Variants in GRM1 observed in about 807,000 individuals in gnomAD.
GRM1 encodes the protein glutamate metabotropic receptor 1, also known as metabotropic glutamate receptor 1.
In GRM1, 33 loss-of-function variants were observed where a neutral mutation model predicts 90.9. The ratio of observed to expected loss-of-function variants is 0.36; its 90% CI spans 0.28 to 0.49. GRM1 has a LOEUF of 0.49. Among genes scored for constraint, GRM1 ranks in the 20% least tolerant of loss-of-function variants. The probability of loss-of-function intolerance (pLI) is 0.99; values close to 1 mark genes in which losing one functional copy is unlikely to be tolerated. For synonymous variants in GRM1, 700 were observed against 613.2 expected (o/e 1.14, Z -2.09); for missense variants, 1,190 against 1,534.3 (o/e 0.78, Z 3.75).
rs1775378625 is a variant in GRM1 at position 146,359,521 on chromosome 6, T to C, written c.1602+1827T>C. On this transcript the variant is annotated intron_variant, in intron 5 of 7. Transcript: ENST00000282753. Reference sequence around the variant, plus strand: ...CTGCAAAGTTCAGTTTTGCAGGTTATATATGGAAAAAATAAAACCTGGCAG... The same window carrying C: ...CTGCAAAGTTCAGTTTTGCAGGTTACATATGGAAAAAATAAAACCTGGCAG... Among the ~76,000 whole-genome samples the C allele has an allele frequency of 2.6e-5, 4 of 152,328 alleles. No individual in the cohort carries two copies. In the South Asian group the frequency reaches 8.3e-4, roughly 32 times the overall value.
intron 2 of GRM1, among the ~76,000 whole-genome samples, chr6:146,301,135 T>C (rs892390239): frequency 6.6e-6 from 1 of 152,168 alleles, no homozygotes; most frequent in African/African-American, 2.4e-5. Context: ...CAATTAACTC[T>C]TTAAAACATA....
intron 2 of GRM1, among the ~76,000 whole-genome samples, chr6:146,267,360 A>G (rs1276786309): frequency 2.0e-5 from 3 of 152,194 alleles, no homozygotes; most frequent in African/African-American, 7.2e-5. Context: ...GTGTCCATGT[A>G]TCTTTATAAT....
intron 1 of GRM1, among the ~76,000 whole-genome samples, chr6:146,139,166 A>G (rs182002002): frequency 5.4e-4 from 82 of 152,158 alleles, no homozygotes; most frequent in African/African-American, 1.8e-3. Flanking sequence ...TTATTTCATT[A>G]TGGTCAAAGA....
intron 2 of GRM1, among the ~76,000 whole-genome samples, chr6:146,256,155 G>T (rs1012805796): frequency 1.3e-5 from 2 of 152,280 alleles, no homozygotes; most frequent in Middle Eastern, 3.4e-3. Flanking sequence ...GCCACTGTGA[G>T]CTATGCCATC....
At chr6:146,212,591 A>G (rs1224985036) in intron 2 of GRM1, among the ~76,000 whole-genome samples, 1 of 152,182 alleles carries the variant, frequency 6.6e-6, no homozygotes, top group Non-Finnish European at 1.5e-5. Context: ...TTTAGTCTTA[A>G]TAGGGGAAAC....
intron 1 of GRM1, among the ~76,000 whole-genome samples, chr6:146,075,416 A>G (rs1055517270): frequency 1.3e-5 from 2 of 152,184 alleles, no homozygotes; most frequent in African/African-American, 4.8e-5. Flanking sequence ...AAAGGCAATA[A>G]AGTAATAGAT....
At chr6:146,131,148 G>A (rs1266522818) in intron 1 of GRM1, among the ~76,000 whole-genome samples, 1 of 152,158 alleles carries the variant, frequency 6.6e-6, no homozygotes, top group South Asian at 2.1e-4. Context: ...GATTTACTCA[G>A]TTAAGACCTA....
chr6:146,317,319 C>T (rs1358100397), intron 3 of GRM1, among the ~76,000 whole-genome samples: 2 of 152,180 alleles, frequency 1.3e-5, no homozygotes, highest in Non-Finnish European at 2.9e-5. Context: ...TACTTCCTTG[C>T]CTAAACATGT....
intron 2 of GRM1, among the ~76,000 whole-genome samples, chr6:146,251,224 C>G (rs1041463538): frequency 6.6e-6 from 1 of 152,194 alleles, no homozygotes; most frequent in Non-Finnish European, 1.5e-5. Flanking sequence ...CTTTGGTCCT[C>G]TTACAATCAG....
Position 146,159,474 on chromosome 6 carries a change from A to C in GRM1, c.827A>C (p.Lys276Thr), listed in dbSNP as rs192397712. Reference sequence around the variant, plus strand: ...AAGAGCTTTGACCGACTCTTGCGCAAACTCCGAGAGAGGCTTCCCAAGGCT... The same window carrying C: ...AAGAGCTTTGACCGACTCTTGCGCACACTCCGAGAGAGGCTTCCCAAGGCT... ...GEKSFDRLLR[K>T]LRERLPKARV... is the part of the protein sequence containing the mutation. Residue 276 changes from lysine (K) to threonine (T), a missense_variant, in exon 2 of 8, where the codon AAA becomes ACA. By Grantham distance (78) the Lys-to-Thr change is moderately conservative. This residue lies in a region of GRM1 where 45 missense variants were observed against 45.5 expected (regional missense o/e 0.99). Transcript: ENST00000282753. 1.4e-4 allele frequency: 233 copies of C among 1,614,204 alleles called. No individual in the cohort carries two copies. The highest frequency in any genetic ancestry group is 1.9e-4 in the Non-Finnish European group (220 of 1,180,018).
intron 6 of GRM1, among the ~76,000 whole-genome samples, chr6:146,395,498 A>G (rs1456871576): frequency 6.6e-6 from 1 of 152,108 alleles, no homozygotes; most frequent in African/African-American, 2.4e-5. Flanking sequence ...CCACTGGGTT[A>G]CTTTAATCTT....
At chr6:146,393,112 GTC>G (rs1353509033) in intron 6 of GRM1, among the ~76,000 whole-genome samples, 3 of 152,182 alleles carry the variant, frequency 2.0e-5, no homozygotes, top group Non-Finnish European at 4.4e-5. Flanking sequence ...TCACCACGCT[GTC>G]TTCCACAATG....
At chr6:146,386,829 C>T (rs1445884318) in intron 5 of GRM1, 61 bp from the exon 6 acceptor site, 1 of 1,338,518 alleles carries the variant, frequency 7.5e-7, no homozygotes, top group Non-Finnish European at 1.1e-6. Flanking sequence ...AAATCCTCAT[C>T]TGAAATAGAA....
intron 3 of GRM1, among the ~76,000 whole-genome samples, chr6:146,329,779 A>G (rs1403806255): frequency 1.3e-5 from 2 of 152,216 alleles, no homozygotes; most frequent in African/African-American, 2.4e-5. Flanking sequence ...CAGAAATTTT[A>G]CATTAGCCCA....
intron 7 of GRM1, among the ~76,000 whole-genome samples, chr6:146,423,986 C>T (rs928035172): frequency 4.6e-5 from 7 of 152,300 alleles, no homozygotes; most frequent in South Asian, 2.1e-4. Flanking sequence ...CCACCAGACA[C>T]GGCCATCCCC....
chr6:146,263,563 A>T (rs892843774), intron 2 of GRM1, among the ~76,000 whole-genome samples: 1 of 152,040 alleles, frequency 6.6e-6, no homozygotes, highest in Non-Finnish European at 1.5e-5. Context: ...ATAGCAATTT[A>T]AAAGCAATTC....
At chr6:146,280,529 G>T (rs12199278) in intron 2 of GRM1, among the ~76,000 whole-genome samples, 1 of 152,112 alleles carries the variant, frequency 6.6e-6, no homozygotes, top group Non-Finnish European at 1.5e-5. Context: ...TATGGGCCCA[G>T]AATTGTATAA....
chr6:146,070,590 G>A (rs1031666807), intron 1 of GRM1, among the ~76,000 whole-genome samples: 1 of 152,090 alleles, frequency 6.6e-6, no homozygotes, highest in Non-Finnish European at 1.5e-5. Context: ...GAGGTTTATA[G>A]AGCAGCAAAT....
chr6:146,322,871 C>T (rs538154735), intron 3 of GRM1, among the ~76,000 whole-genome samples: 4 of 151,946 alleles, frequency 2.6e-5, no homozygotes, highest in South Asian at 2.1e-4. Context: ...TTTCTACTTG[C>T]GATAGTTTGC....
Sources: gnomAD v4.1 joint callset for allele counts (sites outside exome capture counted in the v4.1 genomes callset) on GRCh38, gnomAD v4.1.1 for gene constraint, gnomAD v4.1.1 regional missense constraint, MANE v1.5 for transcripts, NCBI Gene and HGNC (gene_info 2026-07-23, HGNC 2026-07-21) for gene names.